Variants in TIAM2 observed in about 807,000 individuals in gnomAD.
TIAM2 encodes the protein TIAM Rac1 associated GEF 2.
In TIAM2, 80 loss-of-function variants were observed where a neutral mutation model predicts 152.9. That is an observed-to-expected ratio of 0.52 (90% CI 0.44 to 0.63). The LOEUF is 0.63. Ranked by LOEUF, TIAM2 falls within the 30% of genes least tolerant of loss-of-function variation. TIAM2 has a pLI of 0.00. For missense variants in TIAM2, 1,965 were observed against 2,120.1 expected (o/e 0.93, Z 1.44); for synonymous variants, 804 against 838.0 (o/e 0.96, Z 0.70).
chr6:155,125,610 G>A (rs1233375924), intron 2 of TIAM2, among the ~76,000 whole-genome samples: 1 of 152,110 alleles, frequency 6.6e-6, no homozygotes, highest in East Asian at 1.9e-4. Flanking sequence ...AGGCTGAGGT[G>A]GGTGGATCAC....
Position 155,137,288 on chromosome 6 carries a change from A to G in TIAM2, c.1306A>G (p.Thr436Ala), listed in dbSNP as rs2115048783. 6.2e-7 allele frequency: 1 copy of G among 1,614,218 alleles called. No homozygotes were observed. The highest frequency in any genetic ancestry group is 8.5e-7 in the Non-Finnish European group (1 of 1,180,034). Residue 436 changes from threonine to alanine, a missense_variant, in exon 5 of 27, where the codon ACT (threonine) becomes GCT (alanine). This residue lies in a region of TIAM2 where 1,025 missense variants were observed against 1,119.4 expected (regional missense o/e 0.92). Transcript: ENST00000682666. ...ASAFLWSGGSTQILSQRSEST... is the reference protein window; with the variant it reads ...ASAFLWSGGSAQILSQRSEST... ...TGCTTTTCTGTGGTCAGGGGGCTCTACTCAGATCCTGTCTCAGAGAAGTGA... is the reference window on the plus strand; with the variant it reads ...TGCTTTTCTGTGGTCAGGGGGCTCTGCTCAGATCCTGTCTCAGAGAAGTGA...
At chr6:155,125,039 G>A (rs1320557011) in intron 2 of TIAM2, among the ~76,000 whole-genome samples, 2 of 151,968 alleles carry the variant, frequency 1.3e-5, no homozygotes, top group African/African-American at 4.8e-5. Context: ...CACTTTGGGA[G>A]GCCGAGGCAG....
At chr6:155,058,957 C>A (rs1364451126) in intron 1 of TIAM2, among the ~76,000 whole-genome samples, 1 of 152,124 alleles carries the variant, frequency 6.6e-6, no homozygotes. Flanking sequence ...GAGGGCTTCC[C>A]AGAGGAGAAG....
intron 1 of TIAM2, among the ~76,000 whole-genome samples, chr6:155,048,606 G>A (rs931137815): frequency 2.0e-5 from 3 of 152,294 alleles, no homozygotes; most frequent in African/African-American, 4.8e-5. Flanking sequence ...TCAGCCTAGA[G>A]TGGCAGGCCT....
intron 22 of TIAM2, among the ~76,000 whole-genome samples, chr6:155,251,507 G>A (rs1379173926): frequency 1.3e-5 from 2 of 152,020 alleles, no homozygotes; most frequent in African/African-American, 2.4e-5. Context: ...GACTGGTCTC[G>A]AACTCCTGAC....
chr6:155,129,558 C>G lies in TIAM2; in HGVS notation c.335C>G (p.Thr112Ser). The G allele has an allele frequency of 6.2e-7, 1 of 1,614,176 alleles. No individual in the cohort carries two copies. The highest frequency in any genetic ancestry group is 2.2e-5 in the East Asian group (1 of 44,876). Residue 112 changes from threonine to serine, a missense_variant, in exon 4 of 27, where the codon ACT becomes AGT. Physicochemically the swap from Thr to Ser is moderately conservative, Grantham distance 58. This residue lies in a region of TIAM2 where 1,025 missense variants were observed against 1,119.4 expected (regional missense o/e 0.92). Transcript: ENST00000682666. This position sits in a 1 kb window ranked among gnomAD's most constrained non-coding sequence, Gnocchi z 4.8. ...CAGGGCATCAGTGCTGCTTTCTCAA[C>G]TGAGAATGGCTTCCACTCTGTTGGC... is the stretch of plus-strand genomic sequence containing the variant. ...DFQGISAAFS[T>S]ENGFHSVGHE...
chr6:155,149,377 T>C (rs1349218801), intron 7 of TIAM2, among the ~76,000 whole-genome samples: 3 of 152,314 alleles, frequency 2.0e-5, no homozygotes, highest in Middle Eastern at 6.8e-3. Flanking sequence ...GAATGAGGAA[T>C]GGGATGAAGA....
chr6:155,177,118 T>C (rs1343881176), intron 10 of TIAM2, 141 bp downstream of exon 10: 9 of 750,482 alleles, frequency 1.2e-5, no homozygotes, highest in Non-Finnish European at 1.6e-5. Context: ...TTAGTTAATA[T>C]ATTTATTAGC....
At chr6:155,026,651 C>A (rs1181296013) in intron 1 of TIAM2, among the ~76,000 whole-genome samples, 3 of 152,228 alleles carry the variant, frequency 2.0e-5, no homozygotes, top group Non-Finnish European at 4.4e-5. Flanking sequence ...GCCTGGGTGG[C>A]CCCTTGGCCC....
chr6:155,210,196 T>C (rs1781687205), intron 14 of TIAM2, among the ~76,000 whole-genome samples: 1 of 152,210 alleles, frequency 6.6e-6, no homozygotes, highest in African/African-American at 2.4e-5. Flanking sequence ...CTATGTGTTC[T>C]ACTTATTTCA....
At chr6:155,103,597 G>A (rs1778595930) in intron 2 of TIAM2, among the ~76,000 whole-genome samples, 1 of 151,350 alleles carries the variant, frequency 6.6e-6, no homozygotes. Context: ...GGTGGTGCAT[G>A]CCTGTGATCC....
At chr6:155,140,355 C>T (rs1779663413) in intron 5 of TIAM2, among the ~76,000 whole-genome samples, 1 of 152,138 alleles carries the variant, frequency 6.6e-6, no homozygotes, top group African/African-American at 2.4e-5. Flanking sequence ...AAGCTGCCTC[C>T]TAGTCACATG....
chr6:155,123,831 C>T (rs900329038), intron 2 of TIAM2, among the ~76,000 whole-genome samples: 13 of 152,234 alleles, frequency 8.5e-5, no homozygotes, highest in South Asian at 6.2e-4. Context: ...CTTCGCTGGA[C>T]CTTGGTCTTT....
chr6:155,240,677 G>A lies in TIAM2; in HGVS notation c.3316G>A (p.Glu1106Lys). 6.2e-7 allele frequency: 1 copy of A among 1,613,482 alleles called. No individual in the cohort carries two copies. Among genetic ancestry groups the A allele is most frequent in the Non-Finnish European group, 8.5e-7 (1 of 1,179,978 alleles). Residue 1106 changes from glutamate (E) to lysine (K), a missense_variant, in exon 16 of 27, where the codon GAG (glutamate) becomes AAG (lysine). Glu to Lys is a moderately conservative substitution (Grantham distance 56). This residue lies in a region of TIAM2 where 935 missense variants were observed against 980.0 expected (regional missense o/e 0.95). Coordinates refer to ENST00000682666, the MANE Select transcript of TIAM2 (RefSeq NM_012454.4). The part of the protein sequence containing the change: ...DADRLRKVIQ[E>K]LVDTEKSYVK... ...AGACCGCCTCCGCAAAGTCATCCAG[G>A]AGCTTGTGGACACAGAGAAGTCCTA...
intron 1 of TIAM2, among the ~76,000 whole-genome samples, chr6:155,072,820 G>C (rs1354032502): frequency 6.6e-6 from 1 of 152,182 alleles, no homozygotes; most frequent in Non-Finnish European, 1.5e-5. Context: ...GTTCAGGAAG[G>C]AGGCTGGGTC....
At chr6:155,003,230 C>T (rs964185141) in intron 1 of TIAM2, among the ~76,000 whole-genome samples, 11 of 151,932 alleles carry the variant, frequency 7.2e-5, no homozygotes, top group South Asian at 4.1e-4. Flanking sequence ...TTTTCCGAAG[C>T]GTGGAATTGT....
Position 155,129,751 on chromosome 6 carries a change from G to A in TIAM2, c.528G>A (p.Glu176=), listed in dbSNP as rs142778402. 1,000 of 1,613,950 alleles carry A rather than the reference G, an allele frequency of 6.2e-4. 5 individuals carry two copies. In the African/African-American group the frequency reaches 0.011, roughly 18 times the overall value. Reference sequence around the variant, plus strand: ...AGCTGGATGGGTGTTTAAGGGTCGAGTTCCACAATGGTGGCAACCCCAGCA... The same window carrying A: ...AGCTGGATGGGTGTTTAAGGGTCGAATTCCACAATGGTGGCAACCCCAGCA... ...LGKLDGCLRV[E]FHNGGNPSKV... Residue 176 remains glutamate, a synonymous_variant, in exon 4 of 27, where the codon GAG becomes GAA. Transcript: ENST00000682666. This position sits in a 1 kb window ranked among gnomAD's most constrained non-coding sequence, Gnocchi z 4.8.
At chr6:155,105,901 G>A (rs1267084088) in intron 2 of TIAM2, among the ~76,000 whole-genome samples, 2 of 151,970 alleles carry the variant, frequency 1.3e-5, no homozygotes, top group African/African-American at 4.8e-5. Flanking sequence ...GAAGGTTTGT[G>A]ATCCTGTTCT....
intron 15 of TIAM2, among the ~76,000 whole-genome samples, chr6:155,238,550 C>A (rs1442338567): frequency 6.6e-6 from 1 of 152,214 alleles, no homozygotes; most frequent in Non-Finnish European, 1.5e-5. Context: ...CCCTTACTTG[C>A]CCCTTGAGGT....
Sources: gnomAD v4.1 joint callset for allele counts (sites outside exome capture counted in the v4.1 genomes callset) on GRCh38, gnomAD v4.1.1 for gene constraint, gnomAD v4.1.1 regional missense constraint, Gnocchi (gnomAD v3.1) non-coding constraint, MANE v1.5 for transcripts, NCBI Gene and HGNC (gene_info 2026-07-23, HGNC 2026-07-21) for gene names.